PHLDB2: variants seen among roughly 807,000 people sequenced by gnomAD.
PHLDB2 encodes the protein pleckstrin homology like domain family B member 2, also known as pleckstrin homology-like domain family B member 2.
Under a neutral mutation model 123.6 loss-of-function variants are expected in PHLDB2, and 71 were observed. The observed-to-expected ratio is 0.57, with a 90% CI of 0.47 to 0.70. The LOEUF is 0.70. Ranked by LOEUF, PHLDB2 falls within the 30% of genes least tolerant of loss-of-function variation. The pLI is 0.00. For missense variants in PHLDB2, 1,446 were observed against 1,519.5 expected (o/e 0.95, Z 0.80); for synonymous variants, 547 against 541.6 (o/e 1.01, Z -0.14).
At chr3:111,958,828 C>A in intron 12 of PHLDB2, 1 of 429,158 alleles carries the variant, frequency 2.3e-6, no homozygotes, top group South Asian at 1.7e-5. Context: ...TCTCATTTTT[C>A]CCAATCTTGT....
At chr3:111,804,856 G>A (rs2061510637) in intron 1 of PHLDB2, among the ~76,000 whole-genome samples, 1 of 152,096 alleles carries the variant, frequency 6.6e-6, no homozygotes, top group Non-Finnish European at 1.5e-5. Context: ...TCAAAATTAT[G>A]TAATAAATTT....
chr3:111,751,845 A>G (rs1036244896), intron 1 of PHLDB2, among the ~76,000 whole-genome samples: 5 of 152,066 alleles, frequency 3.3e-5, no homozygotes, highest in Non-Finnish European at 5.9e-5. Flanking sequence ...TAATAATAAT[A>G]AAAATTTTTT....
intron 1 of PHLDB2, among the ~76,000 whole-genome samples, chr3:111,861,895 T>C (rs1423830871): frequency 6.6e-6 from 1 of 152,218 alleles, no homozygotes; most frequent in Non-Finnish European, 1.5e-5. Context: ...CTCGAGTTCA[T>C]TGGAGAAGTT....
intron 1 of PHLDB2, among the ~76,000 whole-genome samples, chr3:111,734,356 T>C (rs1342396557): frequency 6.6e-6 from 1 of 152,118 alleles, no homozygotes; most frequent in African/African-American, 2.4e-5. Flanking sequence ...AGGCAGAGGA[T>C]TGCTTGAAGC....
At chr3:111,859,254 C>A (rs975059013), upstream of PHLDB2, 44 of 985,322 alleles carry the variant, frequency 4.5e-5, no homozygotes, top group Non-Finnish European at 5.1e-5. Flanking sequence ...AAGCCTGCCA[C>A]GAAAGTCCCT....
chr3:111,932,211 C>A, intron 5 of PHLDB2, 58 bp from the exon 6 acceptor site: 1 of 1,517,096 alleles, frequency 6.6e-7, no homozygotes, highest in Non-Finnish European at 8.9e-7. Context: ...TGTTCACTAG[C>A]ACCTGCTTGG....
At chr3:111,734,506 C>T (rs1400372523) in intron 1 of PHLDB2, among the ~76,000 whole-genome samples, 4 of 152,126 alleles carry the variant, frequency 2.6e-5, no homozygotes, top group African/African-American at 7.2e-5. Context: ...CTGACCTGTC[C>T]TTTTTTTGTA....
chr3:111,849,392 A>C (rs931942159), intron 2 of PHLDB2, among the ~76,000 whole-genome samples: 9 of 152,184 alleles, frequency 5.9e-5, no homozygotes, highest in Admixed American at 5.9e-4. Flanking sequence ...GCTGGTCTCA[A>C]ACTCCTGGGC....
At chr3:111,779,401 C>G (rs1302378005) in intron 1 of PHLDB2, among the ~76,000 whole-genome samples, 3 of 151,884 alleles carry the variant, frequency 2.0e-5, no homozygotes, top group Non-Finnish European at 4.4e-5. Context: ...GCCCTTGCCC[C>G]CCTCCTCCCT....
intron 1 of PHLDB2, among the ~76,000 whole-genome samples, chr3:111,842,719 A>C (rs1285029033): frequency 6.6e-6 from 1 of 152,208 alleles, no homozygotes; most frequent in African/African-American, 2.4e-5. Context: ...TCCTCTCAAA[A>C]GAAAATCCAC....
chr3:111,772,398 G>T (rs2060193988), intron 1 of PHLDB2, among the ~76,000 whole-genome samples: 1 of 152,106 alleles, frequency 6.6e-6, no homozygotes, highest in East Asian at 1.9e-4. Context: ...AGAAGGGAAG[G>T]AGTAAAAAGA....
At chr3:111,820,432 A>G (rs544364150) in intron 1 of PHLDB2, among the ~76,000 whole-genome samples, 22 of 152,318 alleles carry the variant, frequency 1.4e-4, no homozygotes, top group African/African-American at 4.1e-4. Context: ...ACTATATACT[A>G]TAGTGGAAAC....
intron 1 of PHLDB2, among the ~76,000 whole-genome samples, chr3:111,774,379 T>A (rs1406143064): frequency 6.6e-6 from 1 of 152,092 alleles, no homozygotes; most frequent in Non-Finnish European, 1.5e-5. Flanking sequence ...AGAAAAAAAA[T>A]TGATCAAAGT....
intron 1 of PHLDB2, among the ~76,000 whole-genome samples, chr3:111,872,030 A>G (rs1322496012): frequency 2.0e-5 from 3 of 152,220 alleles, no homozygotes; most frequent in African/African-American, 7.2e-5. Context: ...CAGGTGATAA[A>G]ATAACAAGAG....
chr3:111,911,692 C>G (rs1044148921), intron 2 of PHLDB2: 54 of 1,536,122 alleles, frequency 3.5e-5, no homozygotes, highest in Non-Finnish European at 4.4e-5. Context: ...GGAGCTGCAG[C>G]TGGAGTCCAG....
At chr3:111,837,191 CAG>C (rs2108526790) in intron 1 of PHLDB2, among the ~76,000 whole-genome samples, 1 of 152,246 alleles carries the variant, frequency 6.6e-6, no homozygotes, top group Non-Finnish European at 1.5e-5. Context: ...AGTAAGAAAT[CAG>C]TGCACATTTG....
chr3:111,797,596 T>C (rs2061214634), intron 1 of PHLDB2, among the ~76,000 whole-genome samples: 1 of 152,246 alleles, frequency 6.6e-6, no homozygotes, highest in Non-Finnish European at 1.5e-5. Context: ...CATCTGTGTC[T>C]TTTTAAACTC....
chr3:111,956,193 C>T (rs530625515), intron 12 of PHLDB2, among the ~76,000 whole-genome samples: 1 of 151,642 alleles, frequency 6.6e-6, no homozygotes, highest in Admixed American at 6.6e-5. Context: ...GACCCTGTCT[C>T]AAAAAATAAA....
chr3:111,813,831 A>G (rs1018451060), intron 1 of PHLDB2, among the ~76,000 whole-genome samples: 1 of 152,222 alleles, frequency 6.6e-6, no homozygotes. Flanking sequence ...ACATAGTTTT[A>G]TCAAAAAACT....
Sources: gnomAD v4.1 joint callset for allele counts (sites outside exome capture counted in the v4.1 genomes callset) on GRCh38, gnomAD v4.1.1 for gene constraint, MANE v1.5 for transcripts, NCBI Gene and HGNC (gene_info 2026-07-23, HGNC 2026-07-21) for gene names.